The following PTPN4 variants were observed in gnomAD, a reference collection of about 807,000 sequenced individuals.
The protein encoded by PTPN4 is tyrosine-protein phosphatase non-receptor type 4.
PTPN4 carries 49 observed loss-of-function variants against 135.5 expected under a neutral mutation model. The ratio of observed to expected loss-of-function variants is 0.36; its 90% CI spans 0.29 to 0.46. PTPN4 has a LOEUF of 0.46. PTPN4 is among the 20% of genes least tolerant of loss of function. The probability of loss-of-function intolerance (pLI) is 1.00; values close to 1 mark genes in which losing one functional copy is unlikely to be tolerated. For missense variants in PTPN4, 860 were observed against 1,101.0 expected (o/e 0.78, Z 3.10); for synonymous variants, 333 against 369.9 (o/e 0.90, Z 1.14).
At position 119,944,774 on chromosome 2, in the gene PTPN4, G is replaced by T. The variant is rs1380885100; in HGVS notation, c.1356-307G>T. Among the ~76,000 whole-genome samples the T allele has an allele frequency of 4.6e-5, 7 of 152,086 alleles. No homozygotes were observed. In the East Asian group the frequency reaches 1.4e-3, roughly 29 times the overall value. Reference sequence around the variant, plus strand: ...GCCTACCTTATTCCTGGCTACCCGTGACTCCTCTGACAACCTTAAAAAAAT... The same window carrying T: ...GCCTACCTTATTCCTGGCTACCCGTTACTCCTCTGACAACCTTAAAAAAAT... On this transcript the variant is annotated intron_variant, in intron 15 of 26. Transcript: ENST00000263708.
At chr2:119,976,885 A>G in intron 26 of PTPN4, 99 bp from the exon 27 acceptor site, 2 of 1,498,624 alleles carry the variant, frequency 1.3e-6, no homozygotes, top group East Asian at 4.9e-5. Context: ...GCATTTTTTA[A>G]GTAAGCAAGC....
At chr2:119,887,412 A>G (rs1488455194) in intron 9 of PTPN4, among the ~76,000 whole-genome samples, 1 of 152,178 alleles carries the variant, frequency 6.6e-6, no homozygotes, top group Non-Finnish European at 1.5e-5. Context: ...AGCTGAGCCC[A>G]GGAGTCTAAG....
intron 1 of PTPN4, among the ~76,000 whole-genome samples, chr2:119,760,871 C>CAA (rs11288109): frequency 1.2e-5 from 1 of 82,004 alleles, no homozygotes; most frequent in Non-Finnish European, 2.6e-5. Flanking sequence ...GTAGTTGAGC[C>CAA]AAAAAAAAAA....
At chr2:119,884,487 G>C (rs575152357) in intron 8 of PTPN4, among the ~76,000 whole-genome samples, 43 of 152,142 alleles carry the variant, frequency 2.8e-4, no homozygotes, top group Non-Finnish European at 5.1e-4. Context: ...GCTGATTCCT[G>C]ATCTAAAATA....
At position 119,809,908 on chromosome 2, in the gene PTPN4, G is replaced by A; in HGVS notation, c.55G>A (p.Glu19Lys). ...CAGAACCTACAATGTACGAGCATCA[G>A]AGTTGGCCCGAGACAGACAGCATAC... Reference protein sequence around the residue: ...AGRTYNVRASELARDRQHTEV... With the variant: ...AGRTYNVRASKLARDRQHTEV... Residue 19 changes from glutamate to lysine, a missense_variant, in exon 2 of 27, where the codon GAG becomes AAG. Glu to Lys is a moderately conservative substitution (Grantham distance 56). Coordinates refer to ENST00000263708, the MANE Select transcript of PTPN4 (RefSeq NM_002830.4). 1.2e-6 allele frequency: 2 copies of A among 1,613,582 alleles called. No homozygotes were observed. The highest frequency in any genetic ancestry group is 1.7e-6 in the Non-Finnish European group (2 of 1,179,834).
intron 1 of PTPN4, among the ~76,000 whole-genome samples, chr2:119,770,554 TC>T (rs1221183689): frequency 6.6e-6 from 1 of 152,204 alleles, no homozygotes; most frequent in Non-Finnish European, 1.5e-5. Flanking sequence ...ATTACTGTTT[TC>T]CCCCTACCTT....
chr2:119,768,627 T>C (rs1690679949), intron 1 of PTPN4, among the ~76,000 whole-genome samples: 1 of 152,240 alleles, frequency 6.6e-6, no homozygotes. Context: ...TTGGTTCCTA[T>C]TATCTCCTCA....
At chr2:119,953,714 A>G (rs1679240546) in intron 19 of PTPN4, among the ~76,000 whole-genome samples, 1 of 152,180 alleles carries the variant, frequency 6.6e-6, no homozygotes, top group Admixed American at 6.5e-5. Flanking sequence ...GCTCTTTTGT[A>G]TATTTTCATT....
intron 1 of PTPN4, among the ~76,000 whole-genome samples, chr2:119,809,502 C>A (rs1459275041): frequency 6.6e-6 from 1 of 151,824 alleles, no homozygotes; most frequent in Admixed American, 6.6e-5. Flanking sequence ...TGAGTAATAT[C>A]CAACTTCCTG....
intron 9 of PTPN4, among the ~76,000 whole-genome samples, chr2:119,889,335 G>A (rs544247693): frequency 2.0e-4 from 30 of 152,278 alleles, no homozygotes; most frequent in Non-Finnish European, 4.4e-4. Flanking sequence ...CAGGAGAATG[G>A]TGTGAACCCT....
chr2:119,913,833 A>C (rs1678608855), intron 10 of PTPN4, among the ~76,000 whole-genome samples: 1 of 152,184 alleles, frequency 6.6e-6, no homozygotes, highest in African/African-American at 2.4e-5. Context: ...GAAACATTGA[A>C]AAAGATAAAC....
At chr2:119,770,046 G>A (rs1364416358) in intron 1 of PTPN4, among the ~76,000 whole-genome samples, 1 of 152,108 alleles carries the variant, frequency 6.6e-6, no homozygotes, top group Non-Finnish European at 1.5e-5. Flanking sequence ...TAAAAATTAC[G>A]TCCAAAATTG....
At chr2:119,955,921 A>G (rs1399940102) in intron 20 of PTPN4, among the ~76,000 whole-genome samples, 3 of 151,866 alleles carry the variant, frequency 2.0e-5, no homozygotes, top group African/African-American at 4.8e-5. Context: ...TGGGCGACAG[A>G]GTGAGACTCC....
intron 2 of PTPN4, among the ~76,000 whole-genome samples, chr2:119,821,897 TGAG>T (rs1019241179): frequency 3.9e-5 from 6 of 152,212 alleles, no homozygotes; most frequent in Non-Finnish European, 7.3e-5. Context: ...ATATTGCTGA[TGAG>T]GAGTCTGATA....
chr2:119,813,093 T>A (rs1676926359), intron 2 of PTPN4, among the ~76,000 whole-genome samples: 1 of 152,144 alleles, frequency 6.6e-6, no homozygotes, highest in Non-Finnish European at 1.5e-5. Context: ...TATGTATCAG[T>A]CCTCGGCTGG....
chr2:119,880,661 C>T (rs1040022569), intron 5 of PTPN4, among the ~76,000 whole-genome samples: 23 of 151,282 alleles, frequency 1.5e-4, no homozygotes, highest in African/African-American at 4.9e-4. Context: ...AGGATGGTCT[C>T]GATCTCCTGA....
intron 26 of PTPN4, among the ~76,000 whole-genome samples, chr2:119,971,715 G>T (rs1156327575): frequency 6.6e-6 from 1 of 152,110 alleles, no homozygotes; most frequent in Non-Finnish European, 1.5e-5. Context: ...TTATGCTTTT[G>T]GTATCATAGA....
At chr2:119,764,977 G>C (rs141033068) in intron 1 of PTPN4, among the ~76,000 whole-genome samples, 11 of 152,224 alleles carry the variant, frequency 7.2e-5, no homozygotes, top group African/African-American at 2.6e-4. Context: ...CACAGACTTT[G>C]GAGTCAAATC....
At chr2:119,760,733 CTTTTT>C (rs59953430) in intron 1 of PTPN4, among the ~76,000 whole-genome samples, 110 of 79,914 alleles carry the variant, frequency 1.4e-3, no homozygotes, top group Admixed American at 2.5e-3. Context: ...GGTAGAATTC[CTTTTT>C]TTTTTTTTTT....
Sources: allele counts gnomAD v4.1 joint callset (sites outside exome capture counted in the v4.1 genomes callset), GRCh38; gene constraint gnomAD v4.1.1; transcripts MANE v1.5; gene names NCBI Gene and HGNC (gene_info 2026-07-23, HGNC 2026-07-21).